CASK: variants seen among roughly 807,000 people sequenced by gnomAD.
The protein encoded by CASK is calcium/calmodulin dependent serine protein kinase, also known as peripheral plasma membrane protein CASK.
A neutral mutation model predicts 82.9 loss-of-function variants in CASK; 4 were observed. The observed-to-expected ratio is 0.05, with a 90% CI of 0.02 to 0.11. The LOEUF is 0.11. CASK is among the 10% of genes least tolerant of loss of function. CASK has a pLI of 1.00. For synonymous variants in CASK, 259 were observed against 253.5 expected (o/e 1.02, Z -0.20); for missense variants, 358 against 720.9 (o/e 0.50, Z 5.76).
intron 1 of CASK, among the ~76,000 whole-genome samples, chrX:41,915,931 T>C (rs1430013958): frequency 2.7e-5 from 3 of 111,304 alleles, no homozygotes; most frequent in Non-Finnish European, 3.8e-5. Flanking sequence ...GAGCTTGCAG[T>C]AAGCCGAGAT....
At chrX:41,786,098 T>C (rs1055164044) in intron 3 of CASK, among the ~76,000 whole-genome samples, 12 of 111,564 alleles carry the variant, frequency 1.1e-4, no homozygotes, top group African/African-American at 3.9e-4. Flanking sequence ...GTGAGTGAGC[T>C]TGGAAGCAGA....
chrX:41,867,567 G>C (rs1041480890), intron 1 of CASK, among the ~76,000 whole-genome samples: 3 of 112,187 alleles, frequency 2.7e-5, no homozygotes, highest in African/African-American at 9.7e-5. Flanking sequence ...TGTTTTACTA[G>C]AGACATTGAT....
chrX:41,741,617 T>C (rs949109456), intron 4 of CASK, among the ~76,000 whole-genome samples: 2 of 112,028 alleles, frequency 1.8e-5, no homozygotes, highest in Admixed American at 9.5e-5. Flanking sequence ...CTCAATTACT[T>C]GACCCAAACG....
chrX:41,531,688 G>A (rs928029617), intron 24 of CASK, among the ~76,000 whole-genome samples: 4 of 112,421 alleles, frequency 3.6e-5, no homozygotes, highest in East Asian at 2.8e-4. Context: ...CAATAACCAC[G>A]TATGGTTAGT....
chrX:41,516,596 C>T lies in CASK; in HGVS notation c.*3824G>A, dbSNP rs186139866. The T allele has an allele frequency of 6.5e-4, 72 of 111,382 alleles. No individual in the cohort carries two copies. The highest frequency in any genetic ancestry group is 2.3e-3 in the African/African-American group (70 of 30,628). The allele number at this position is 111,382 out of a possible 1,213,427, so 9.2% of individuals were successfully genotyped here. A position where few individuals can be genotyped will look rare whatever the true frequency, so the allele number is the denominator to read the frequency against. On this transcript the variant is annotated 3_prime_UTR_variant, in exon 27 of 27. Coordinates refer to ENST00000378163, the MANE Select transcript of CASK (RefSeq NM_001367721.1). ...CTGTAATCGCTCTCAGTATTGTAAG[C>T]CCTAGTCAAGAGGATGGAATTAGGA...
intron 5 of CASK, chrX:41,726,639 T>C (rs1048067104): frequency 8.6e-6 from 1 of 116,654 alleles, no homozygotes; most frequent in Non-Finnish European, 1.8e-5. Flanking sequence ...TGCCTTAAAA[T>C]TTTTTAAATT....
chrX:41,813,450 C>T (rs1252254472), intron 2 of CASK, among the ~76,000 whole-genome samples: 1 of 110,873 alleles, frequency 9.0e-6, no homozygotes, highest in African/African-American at 3.3e-5. Context: ...CATCTACAAC[C>T]ATCTGATCTT....
At chrX:41,760,555 G>C (rs759405469) in intron 3 of CASK, among the ~76,000 whole-genome samples, 6 of 111,114 alleles carry the variant, frequency 5.4e-5, no homozygotes, top group Non-Finnish European at 9.4e-5. Flanking sequence ...ATCCTCACAA[G>C]TTCTTTCCCA....
At chrX:41,631,937 C>G (rs886404789) in intron 9 of CASK, among the ~76,000 whole-genome samples, 8 of 110,601 alleles carry the variant, frequency 7.2e-5, no homozygotes, top group African/African-American at 2.0e-4. Flanking sequence ...GGTCCCCACC[C>G]CGCTTATTTT....
chrX:41,547,926 T>C (rs1262215913), intron 21 of CASK, among the ~76,000 whole-genome samples: 2 of 112,512 alleles, frequency 1.8e-5, no homozygotes, highest in African/African-American at 6.4e-5. Flanking sequence ...CCCAGTCCCT[T>C]GTATATTGAT....
chrX:41,545,722 T>C (rs1037705710), intron 21 of CASK, among the ~76,000 whole-genome samples: 2 of 111,722 alleles, frequency 1.8e-5, no homozygotes, highest in African/African-American at 6.5e-5. Flanking sequence ...GAAATCTATC[T>C]AGGAAGAATA....
chrX:41,920,383 C>T (rs1338235365), intron 1 of CASK, among the ~76,000 whole-genome samples: 1 of 112,029 alleles, frequency 8.9e-6, no homozygotes. Flanking sequence ...TCAATATATA[C>T]TAAGACAATT....
intron 2 of CASK, among the ~76,000 whole-genome samples, chrX:41,823,550 C>T (rs1399460683): frequency 9.0e-6 from 1 of 110,675 alleles, no homozygotes; most frequent in Non-Finnish European, 1.9e-5. Flanking sequence ...TGTTTTTGTC[C>T]CCAGTGCAAT....
At chrX:41,772,030 A>G (rs1363767276) in intron 3 of CASK, among the ~76,000 whole-genome samples, 1 of 111,683 alleles carries the variant, frequency 9.0e-6, no homozygotes, top group African/African-American at 3.3e-5. Flanking sequence ...AGTAGAAATT[A>G]CTAAAATAGA....
intron 5 of CASK, among the ~76,000 whole-genome samples, chrX:41,700,647 T>C (rs1303949043): frequency 4.9e-5 from 5 of 102,013 alleles, no homozygotes; most frequent in Non-Finnish European, 9.9e-5. Context: ...TGGTGCAATC[T>C]TGGCTCACTG....
intron 1 of CASK, among the ~76,000 whole-genome samples, chrX:41,889,279 G>A (rs1384551239): frequency 9.2e-6 from 1 of 108,903 alleles, no homozygotes; most frequent in Non-Finnish European, 1.9e-5. Context: ...GTGTAAGAGT[G>A]TTCCCTTTTC....
chrX:41,651,561 T>G (rs1471548865), intron 8 of CASK, among the ~76,000 whole-genome samples: 1 of 111,376 alleles, frequency 9.0e-6, no homozygotes. Context: ...TGGCTAATTT[T>G]TTAATTTTTA....
chrX:41,825,073 A>G (rs1048432924), intron 2 of CASK, among the ~76,000 whole-genome samples: 2 of 111,952 alleles, frequency 1.8e-5, no homozygotes, highest in Admixed American at 1.9e-4. Context: ...TAACTGCAAG[A>G]GTATTTTTGG....
intron 1 of CASK, among the ~76,000 whole-genome samples, chrX:41,910,882 G>GT (rs1171007573): frequency 4.5e-5 from 5 of 111,041 alleles, no homozygotes; most frequent in South Asian, 7.6e-4. Flanking sequence ...AAAATGTTTT[G>GT]TTTTTTTTAA....
Sources: gnomAD v4.1 joint callset for allele counts (sites outside exome capture counted in the v4.1 genomes callset) on GRCh38, gnomAD v4.1.1 for gene constraint, MANE v1.5 for transcripts, NCBI Gene and HGNC (gene_info 2026-07-23, HGNC 2026-07-21) for gene names.